Variants in IQCJ observed in about 807,000 individuals in gnomAD.
IQCJ encodes IQ domain-containing protein J.
In IQCJ, 9 loss-of-function variants were observed where a neutral mutation model predicts 11.0. The ratio of observed to expected loss-of-function variants is 0.82; its 90% CI spans 0.49 to 1.43. The LOEUF is 1.43. Ranked by LOEUF, IQCJ falls within the 40% of genes most tolerant of loss-of-function variation. IQCJ has a pLI of 0.00. For synonymous variants in IQCJ, 55 were observed against 51.3 expected (o/e 1.07, Z -0.31); for missense variants, 146 against 133.2 (o/e 1.10, Z -0.47).
intron 1 of IQCJ, among the ~76,000 whole-genome samples, chr3:159,149,542 G>A (rs537287313): frequency 1.3e-5 from 2 of 152,212 alleles, no homozygotes; most frequent in East Asian, 3.9e-4. Flanking sequence ...GCTGTTTGGG[G>A]GCTACTGCTA....
chr3:159,150,441 A>G (rs1032571614), intron 1 of IQCJ, among the ~76,000 whole-genome samples: 2 of 152,112 alleles, frequency 1.3e-5, no homozygotes, highest in Non-Finnish European at 1.5e-5. Context: ...AATCCCTGTG[A>G]GTCTGGCCTG....
intron 1 of IQCJ, among the ~76,000 whole-genome samples, chr3:159,167,652 A>C (rs1722248082): frequency 6.6e-6 from 1 of 152,222 alleles, no homozygotes; most frequent in Non-Finnish European, 1.5e-5. Context: ...TTCTTGAATT[A>C]ATTAATTAGT....
At chr3:159,180,505 G>A (rs1723035250) in intron 1 of IQCJ, among the ~76,000 whole-genome samples, 1 of 152,022 alleles carries the variant, frequency 6.6e-6, no homozygotes, top group Non-Finnish European at 1.5e-5. Context: ...TTTAAACATT[G>A]TATATAGACT....
intron 1 of IQCJ, among the ~76,000 whole-genome samples, chr3:159,237,045 C>T (rs1283694706): frequency 2.0e-5 from 3 of 152,184 alleles, no homozygotes; most frequent in Admixed American, 2.0e-4. Flanking sequence ...CACAGCTACA[C>T]AGTGAAGTAA....
chr3:159,120,509 G>A (rs1039116185), intron 1 of IQCJ, among the ~76,000 whole-genome samples: 2 of 152,210 alleles, frequency 1.3e-5, no homozygotes, highest in African/African-American at 4.8e-5. Context: ...CCATTGGCTA[G>A]AACTCAGCCA....
chr3:159,155,622 A>G (rs1380041016), intron 1 of IQCJ, among the ~76,000 whole-genome samples: 4 of 152,228 alleles, frequency 2.6e-5, no homozygotes, highest in Admixed American at 1.3e-4. Context: ...AACTTTAAAC[A>G]AAGTAATTTT....
intron 1 of IQCJ, among the ~76,000 whole-genome samples, chr3:159,180,386 T>TA (rs141302394): frequency 0.048 from 7,230 of 152,078 alleles, 590 homozygotes; most frequent in African/African-American, 0.17. Flanking sequence ...ATATGATTTT[T>TA]AAAATTATCT....
chr3:159,212,619 T>C (rs1215171178), intron 1 of IQCJ, among the ~76,000 whole-genome samples: 2 of 152,240 alleles, frequency 1.3e-5, no homozygotes, highest in Non-Finnish European at 2.9e-5. Flanking sequence ...ACCACTCATA[T>C]TAAACTCCTT....
chr3:159,199,208 A>G lies in IQCJ; in HGVS notation c.10-46635A>G, dbSNP rs141740532. ...AGATTTGATTAAGAACCCTAAGACC[A>G]GGAGATTATTCTGCATTATCTGGGT... is the stretch of plus-strand genomic sequence containing the variant. On this transcript the variant is annotated intron_variant, in intron 1 of 3. Transcript: ENST00000397832. Among the ~76,000 whole-genome samples the G allele has an allele frequency of 3.3e-3, 503 of 152,350 alleles. 1 individual carries two copies. Among genetic ancestry groups the G allele is most frequent in the African/African-American group, 0.011 (477 of 41,590 alleles).
chr3:159,174,778 G>A (rs11717768), intron 1 of IQCJ, among the ~76,000 whole-genome samples: 43,776 of 151,800 alleles, frequency 0.29, 6,466 homozygotes, highest in South Asian at 0.39. Context: ...GATTTATTGT[G>A]TGCATTATTT....
intron 1 of IQCJ, among the ~76,000 whole-genome samples, chr3:159,121,232 C>T (rs1427816521): frequency 6.6e-6 from 1 of 151,292 alleles, no homozygotes; most frequent in East Asian, 1.9e-4. Context: ...CTCCTGGGCT[C>T]AAGCGATCTT....
At chr3:159,211,305 A>G (rs1724937458) in intron 1 of IQCJ, among the ~76,000 whole-genome samples, 1 of 152,220 alleles carries the variant, frequency 6.6e-6, no homozygotes, top group African/African-American at 2.4e-5. Flanking sequence ...CTGTTGCTTA[A>G]AATTATCCTA....
At chr3:159,191,563 GC>G (rs1299326847) in intron 1 of IQCJ, among the ~76,000 whole-genome samples, 1 of 152,180 alleles carries the variant, frequency 6.6e-6, no homozygotes, top group Admixed American at 6.5e-5. Context: ...GGGATTTATA[GC>G]CTATATAAGG....
At chr3:159,071,260 C>A (rs1167845893) in intron 1 of IQCJ, among the ~76,000 whole-genome samples, 7 of 151,710 alleles carry the variant, frequency 4.6e-5, no homozygotes, top group African/African-American at 1.5e-4. Flanking sequence ...CTTAAAACAG[C>A]ATATTATATT....
chr3:159,081,429 G>C (rs1049357039), intron 1 of IQCJ, among the ~76,000 whole-genome samples: 9 of 152,056 alleles, frequency 5.9e-5, no homozygotes, highest in Admixed American at 5.9e-4. Flanking sequence ...TTTGTGGCAG[G>C]AGGAACCACC....
At chr3:159,101,375 G>T (rs1717902793) in intron 1 of IQCJ, among the ~76,000 whole-genome samples, 1 of 152,080 alleles carries the variant, frequency 6.6e-6, no homozygotes, top group Non-Finnish European at 1.5e-5. Context: ...TTCCTATTCG[G>T]CCATCTTGGC....
chr3:159,248,060 G>A (rs1330665839), intron 2 of IQCJ, among the ~76,000 whole-genome samples: 1 of 152,206 alleles, frequency 6.6e-6, no homozygotes, highest in Non-Finnish European at 1.5e-5. Context: ...TGGGTCTGAT[G>A]CCTCTTTCTA....
At chr3:159,084,854 G>T (rs1177838558) in intron 1 of IQCJ, among the ~76,000 whole-genome samples, 1 of 151,954 alleles carries the variant, frequency 6.6e-6, no homozygotes, top group African/African-American at 2.4e-5. Context: ...CTCTAGTCCT[G>T]TCTTTCGGGT....
chr3:159,130,810 T>TA (rs1719946358), intron 1 of IQCJ, among the ~76,000 whole-genome samples: 2 of 152,152 alleles, frequency 1.3e-5, no homozygotes, highest in South Asian at 4.1e-4. Flanking sequence ...AAAGCAGCAA[T>TA]AAAGCATAAT....
Sources: gnomAD v4.1 joint callset for allele counts (sites outside exome capture counted in the v4.1 genomes callset) on GRCh38, gnomAD v4.1.1 for gene constraint, MANE v1.5 for transcripts, NCBI Gene and HGNC (gene_info 2026-07-23, HGNC 2026-07-21) for gene names.